The following GRID2 variants were observed in gnomAD, a reference collection of about 807,000 sequenced individuals.
GRID2 encodes glutamate receptor ionotropic, delta-2.
GRID2 carries 33 observed loss-of-function variants against 114.8 expected under a neutral mutation model. The ratio of observed to expected loss-of-function variants is 0.29; its 90% confidence interval spans 0.22 to 0.38. The LOEUF is 0.38. Among genes scored for constraint, GRID2 ranks in the 10% least tolerant of loss-of-function variants. The pLI, the probability that GRID2 is intolerant of heterozygous loss-of-function variation, is 1.00. For synonymous variants in GRID2, 505 were observed against 449.9 expected (o/e 1.12, Z -1.55); for missense variants, 1,184 against 1,257.7 (o/e 0.94, Z 0.89).
At chr4:93,780,104 G>A (rs1238944304) in intron 1 of GRID2, among the ~76,000 whole-genome samples, 1 of 152,162 alleles carries the variant, frequency 6.6e-6, no homozygotes. Flanking sequence ...TTAGTCTATT[G>A]GGAGGTGGTA....
intron 2 of GRID2, among the ~76,000 whole-genome samples, chr4:92,649,937 C>T (rs1013180996): frequency 1.3e-5 from 2 of 151,904 alleles, no homozygotes; most frequent in Non-Finnish European, 2.9e-5. Context: ...TGACTTAATA[C>T]GTTCAACTTA....
intron 2 of GRID2, among the ~76,000 whole-genome samples, chr4:92,860,491 G>A (rs1368943073): frequency 6.6e-6 from 1 of 152,078 alleles, no homozygotes; most frequent in Non-Finnish European, 1.5e-5. Context: ...TAGATTTGAT[G>A]GCATTTCAAA....
At chr4:92,818,580 T>C (rs1741062250) in intron 2 of GRID2, among the ~76,000 whole-genome samples, 1 of 152,140 alleles carries the variant, frequency 6.6e-6, no homozygotes, top group Non-Finnish European at 1.5e-5. Flanking sequence ...TATTAGCTGT[T>C]CAATTTAGTT....
At chr4:93,660,776 CA>C (rs1434291354) in intron 14 of GRID2, among the ~76,000 whole-genome samples, 2 of 152,086 alleles carry the variant, frequency 1.3e-5, no homozygotes, top group Non-Finnish European at 2.9e-5. Flanking sequence ...ATAGCACAGG[CA>C]GCATGAGCCT....
At chr4:92,444,862 G>A (rs111784118) in intron 1 of GRID2, among the ~76,000 whole-genome samples, 58 of 152,106 alleles carry the variant, frequency 3.8e-4, no homozygotes, top group African/African-American at 1.4e-3. Flanking sequence ...ATCACTTTTG[G>A]TATTTAAACA....
At chr4:92,703,308 G>C (rs1734773169) in intron 2 of GRID2, among the ~76,000 whole-genome samples, 1 of 152,092 alleles carries the variant, frequency 6.6e-6, no homozygotes, top group African/African-American at 2.4e-5. Flanking sequence ...TAGGACCACT[G>C]TTGAAAGCAA....
At chr4:93,364,104 T>C (rs932048113) in intron 8 of GRID2, among the ~76,000 whole-genome samples, 23 of 152,090 alleles carry the variant, frequency 1.5e-4, no homozygotes, top group African/African-American at 5.5e-4. Flanking sequence ...ATTCTTAGTT[T>C]TTTCTTTCTA....
At chr4:93,680,879 A>T (rs533172578) in intron 14 of GRID2, among the ~76,000 whole-genome samples, 2 of 151,856 alleles carry the variant, frequency 1.3e-5, no homozygotes, top group East Asian at 3.9e-4. Context: ...CAAGACAGGG[A>T]TGCCCTCTCT....
intron 2 of GRID2, among the ~76,000 whole-genome samples, chr4:92,896,389 A>G (rs1747167122): frequency 6.6e-6 from 1 of 152,154 alleles, no homozygotes; most frequent in Admixed American, 6.5e-5. Flanking sequence ...TTTGGTTGAT[A>G]ATTGTTTCGC....
chr4:93,249,655 A>C (rs1027982723), intron 8 of GRID2, among the ~76,000 whole-genome samples: 2 of 152,148 alleles, frequency 1.3e-5, no homozygotes, highest in Non-Finnish European at 2.9e-5. Flanking sequence ...TTACAAGAAA[A>C]ATAAACAACC....
intron 1 of GRID2, among the ~76,000 whole-genome samples, chr4:92,460,751 A>G (rs1398829231): frequency 2.0e-5 from 3 of 152,116 alleles, no homozygotes; most frequent in Non-Finnish European, 4.4e-5. Context: ...AATTGGAAAT[A>G]TATCTCCTGA....
At chr4:92,507,322 G>GA (rs1051926773) in intron 1 of GRID2, among the ~76,000 whole-genome samples, 1 of 151,688 alleles carries the variant, frequency 6.6e-6, no homozygotes, top group South Asian at 2.1e-4. Flanking sequence ...TGGATGTCCT[G>GA]AAAAAATCTC....
chr4:93,526,152 T>C (rs563275861), intron 13 of GRID2, among the ~76,000 whole-genome samples: 1 of 152,304 alleles, frequency 6.6e-6, no homozygotes, highest in African/African-American at 2.4e-5. Context: ...GACTGGATCA[T>C]GGGCGTAGTT....
chr4:93,208,066 G>A (rs1306582515), intron 5 of GRID2, among the ~76,000 whole-genome samples: 2 of 151,890 alleles, frequency 1.3e-5, no homozygotes, highest in African/African-American at 4.8e-5. Flanking sequence ...GAAATGGAAG[G>A]AACAATGAGC....
At chr4:92,897,898 A>AT (rs1747286119) in intron 2 of GRID2, among the ~76,000 whole-genome samples, 2 of 152,334 alleles carry the variant, frequency 1.3e-5, no homozygotes, top group Admixed American at 6.5e-5. Context: ...AGTTATGAGC[A>AT]TAAGCTAAGA....
intron 1 of GRID2, among the ~76,000 whole-genome samples, chr4:92,385,032 T>C (rs1238048513): frequency 6.6e-6 from 1 of 151,700 alleles, no homozygotes; most frequent in Non-Finnish European, 1.5e-5. Context: ...ATATAATTTG[T>C]CTTTTAAAAA....
chr4:93,143,511 G>A (rs895150867), intron 4 of GRID2, among the ~76,000 whole-genome samples: 2 of 152,140 alleles, frequency 1.3e-5, no homozygotes, highest in African/African-American at 4.8e-5. Context: ...CATGTTGCAT[G>A]TGCATGTAAA....
chr4:92,352,054 T>C (rs1728093009), intron 1 of GRID2, among the ~76,000 whole-genome samples: 1 of 151,906 alleles, frequency 6.6e-6, no homozygotes, highest in African/African-American at 2.4e-5. Flanking sequence ...GGTAGTTTAT[T>C]TTTAGATCTA....
chr4:92,883,016 C>G (rs879911634), intron 2 of GRID2, among the ~76,000 whole-genome samples: 1 of 152,130 alleles, frequency 6.6e-6, no homozygotes, highest in African/African-American at 2.4e-5. Flanking sequence ...ATTGACTCTT[C>G]CTTTCACAAA....
Sources: gnomAD v4.1 joint callset for allele counts (sites outside exome capture counted in the v4.1 genomes callset) on GRCh38, gnomAD v4.1.1 for gene constraint, MANE v1.5 for transcripts, NCBI Gene and HGNC (gene_info 2026-07-23, HGNC 2026-07-21) for gene names.